Variants in NALF1 observed in about 807,000 individuals in gnomAD.
NALF1 encodes the protein family with sequence similarity 155 member A.
Under a neutral mutation model 48.4 loss-of-function variants are expected in NALF1, and 3 were observed. The ratio of observed to expected loss-of-function variants is 0.06; its 90% CI spans 0.03 to 0.16. The LOEUF (loss-of-function observed/expected upper bound fraction) is 0.16, where lower values mean the gene tolerates loss of function less well. Ranked by LOEUF, NALF1 falls within the 10% of genes least tolerant of loss-of-function variation. NALF1 has a pLI of 1.00. For synonymous variants in NALF1, 262 were observed against 245.7 expected (o/e 1.07, Z -0.62); for missense variants, 526 against 571.5 (o/e 0.92, Z 0.81).
intron 1 of NALF1, among the ~76,000 whole-genome samples, chr13:107,377,220 G>A (rs1189009590): frequency 6.6e-6 from 1 of 152,192 alleles, no homozygotes; most frequent in Non-Finnish European, 1.5e-5. Context: ...ATGAGGGTTG[G>A]TGTGTTCATC....
chr13:107,372,521 T>C (rs532815238), intron 1 of NALF1, among the ~76,000 whole-genome samples: 10 of 152,254 alleles, frequency 6.6e-5, no homozygotes, highest in Non-Finnish European at 1.0e-4. Context: ...AGTTCTGCCC[T>C]CTAGGCATTT....
intron 1 of NALF1, among the ~76,000 whole-genome samples, chr13:107,250,871 C>T (rs115496516): frequency 0.011 from 1,732 of 152,154 alleles, 31 homozygotes; most frequent in African/African-American, 0.039. Flanking sequence ...AAATGTGTAG[C>T]ACCTCCCCCT....
At chr13:107,411,863 C>T (rs1226635143) in intron 1 of NALF1, among the ~76,000 whole-genome samples, 1 of 152,042 alleles carries the variant, frequency 6.6e-6, no homozygotes. Context: ...GCAGAGAGGA[C>T]AGCTTGGATG....
chr13:107,314,520 C>T lies in NALF1; in HGVS notation c.916-103765G>A, dbSNP rs1343593421. On this transcript the variant is annotated intron_variant, in intron 1 of 2. Coordinates refer to ENST00000375915, the MANE Select transcript of NALF1 (RefSeq NM_001080396.3). ...AGATCCTACATTGAACAATTTTACC[C>T]CATCTGACTCCTACTCCTCATACAT... is the stretch of plus-strand genomic sequence containing the variant. Among the ~76,000 whole-genome samples the T allele has an allele frequency of 2.0e-5, 3 of 152,044 alleles. No individual in the cohort carries two copies. In the East Asian group the frequency reaches 5.8e-4, roughly 29 times the overall value.
intron 1 of NALF1, among the ~76,000 whole-genome samples, chr13:107,442,191 G>C (rs894149917): frequency 3.3e-5 from 5 of 152,030 alleles, no homozygotes; most frequent in Admixed American, 6.5e-5. Flanking sequence ...GAGGGAGAGA[G>C]AGGGAGAGCA....
At chr13:107,638,060 C>T (rs979950045) in intron 1 of NALF1, among the ~76,000 whole-genome samples, 2 of 151,644 alleles carry the variant, frequency 1.3e-5, no homozygotes, top group Non-Finnish European at 2.9e-5. Context: ...CTGAGTTCAA[C>T]TTTCCTCATA....
At chr13:107,572,388 G>A (rs1300609114) in intron 1 of NALF1, among the ~76,000 whole-genome samples, 1 of 152,118 alleles carries the variant, frequency 6.6e-6, no homozygotes, top group East Asian at 1.9e-4. Flanking sequence ...CTAATTTCAA[G>A]CTGCCTCTGC....
At chr13:107,221,344 G>A (rs1355040944) in intron 1 of NALF1, among the ~76,000 whole-genome samples, 6 of 152,162 alleles carry the variant, frequency 3.9e-5, no homozygotes, top group South Asian at 2.1e-4. Context: ...TTGGGAGGCC[G>A]AGGTGGGTGG....
chr13:107,746,749 C>T (rs779971990), intron 1 of NALF1, among the ~76,000 whole-genome samples: 3 of 152,146 alleles, frequency 2.0e-5, no homozygotes, highest in Admixed American at 6.6e-5. Context: ...AATCAGTGCA[C>T]ATATTTCTGG....
At chr13:107,550,458 C>CT (rs370662868) in intron 1 of NALF1, among the ~76,000 whole-genome samples, 15 of 152,240 alleles carry the variant, frequency 9.9e-5, no homozygotes, top group African/African-American at 3.4e-4. Context: ...TTTGTTAACA[C>CT]TTTAACACAC....
rs556131094 is a variant in NALF1, at chr13:107,783,673, G to C, written c.915+82009C>G. ...ACAGATGCTTGAAGGCAGCATGCTC[G>C]TTAAGAGTCATCACCACTCCCTAAT... is the stretch of plus-strand genomic sequence containing the variant. On this transcript the variant is annotated intron_variant, in intron 1 of 2. Coordinates refer to ENST00000375915, the MANE Select transcript of NALF1 (RefSeq NM_001080396.3). Among the ~76,000 whole-genome samples the C allele has an allele frequency of 3.1e-4, 47 of 151,778 alleles. 1 individual carries two copies. The highest frequency in any genetic ancestry group is 1.9e-3 in the South Asian group (9 of 4,796).
intron 1 of NALF1, among the ~76,000 whole-genome samples, chr13:107,820,076 G>C (rs1879321946): frequency 6.6e-6 from 1 of 152,130 alleles, no homozygotes; most frequent in South Asian, 2.1e-4. Flanking sequence ...TGACCCAGGA[G>C]GTAGAACCCC....
chr13:107,495,306 G>T (rs1875292546), intron 1 of NALF1, among the ~76,000 whole-genome samples: 1 of 152,150 alleles, frequency 6.6e-6, no homozygotes, highest in Non-Finnish European at 1.5e-5. Context: ...TGTGAAAAAT[G>T]TTCTTAGCTC....
intron 1 of NALF1, among the ~76,000 whole-genome samples, chr13:107,795,084 A>C (rs1286790368): frequency 2.0e-5 from 3 of 152,238 alleles, no homozygotes; most frequent in African/African-American, 7.2e-5. Context: ...AAAAGAATAC[A>C]CATTAAGTAA....
At chr13:107,790,221 A>G (rs1412803718) in intron 1 of NALF1, among the ~76,000 whole-genome samples, 2 of 152,238 alleles carry the variant, frequency 1.3e-5, no homozygotes, top group Non-Finnish European at 2.9e-5. Flanking sequence ...ACGTGTATTT[A>G]CATATACAAC....
intron 1 of NALF1, among the ~76,000 whole-genome samples, chr13:107,727,735 A>G (rs1265194365): frequency 6.6e-6 from 1 of 152,244 alleles, no homozygotes; most frequent in Non-Finnish European, 1.5e-5. Context: ...CATCAGAGTG[A>G]ACAGGCAACC....
chr13:107,782,697 G>GC (rs1877932716), intron 1 of NALF1, among the ~76,000 whole-genome samples: 1 of 149,346 alleles, frequency 6.7e-6, no homozygotes, highest in Non-Finnish European at 1.5e-5. Context: ...GAGTGCCTTT[G>GC]CCCCGCCGCC....
At position 107,866,310 on chromosome 13, in the gene NALF1, CGCTGCT is replaced by C. The variant is rs752579719; in HGVS notation, c.281_286del (p.Gln94_Gln95del). On this transcript the variant is annotated inframe_deletion, in exon 1 of 3. Transcript: ENST00000375915. This position sits in a 1 kb window ranked among gnomAD's most constrained non-coding sequence, Gnocchi z 4.4. ...GGGCCAGGAGGGCTCCTGCTGCCGC[CGCTGCT>C]GCTGCTGCTGCTGCCGCTGCCTCTG... 6.2e-6 allele frequency: 10 copies of C among 1,602,854 alleles called. No homozygotes were observed. Among genetic ancestry groups the C allele is most frequent in the Non-Finnish European group, 7.7e-6 (9 of 1,175,570 alleles).
At chr13:107,658,234 C>A (rs1386922220) in intron 1 of NALF1, among the ~76,000 whole-genome samples, 1 of 147,872 alleles carries the variant, frequency 6.8e-6, no homozygotes, top group Non-Finnish European at 1.5e-5. Context: ...CTTACTTAGT[C>A]TTCAAAATTC....
Sources: gnomAD v4.1 joint callset for allele counts (sites outside exome capture counted in the v4.1 genomes callset) on GRCh38, gnomAD v4.1.1 for gene constraint, Gnocchi (gnomAD v3.1) non-coding constraint, MANE v1.5 for transcripts, NCBI Gene and HGNC (gene_info 2026-07-23, HGNC 2026-07-21) for gene names.